Variants in SAMD12 observed in about 807,000 individuals in gnomAD.
The protein encoded by SAMD12 is sterile alpha motif domain containing 12.
A neutral mutation model predicts 15.0 loss-of-function variants in SAMD12; 9 were observed. The observed-to-expected ratio is 0.60, with a 90% CI of 0.36 to 1.05. SAMD12 has a LOEUF of 1.05. SAMD12 is among the 50% of genes least tolerant of loss of function. SAMD12 has a pLI of 0.01. For missense variants in SAMD12, 230 were observed against 234.2 expected, an observed-to-expected ratio of 0.98 and a Z score of 0.12; for synonymous variants, 86 against 90.1, an observed-to-expected ratio of 0.96 and a Z score of 0.25.
intron 4 of SAMD12, among the ~76,000 whole-genome samples, chr8:118,316,816 GTTTTTTT>G (rs35418863): frequency 8.5e-6 from 1 of 117,926 alleles, no homozygotes; most frequent in Non-Finnish European, 1.7e-5. Context: ...TTAAAAAAAA[GTTTTTTT>G]TTTTTTTTTT....
intron 4 of SAMD12, among the ~76,000 whole-genome samples, chr8:118,347,050 T>C (rs1030497471): frequency 2.0e-5 from 3 of 152,150 alleles, no homozygotes; most frequent in African/African-American, 7.2e-5. Context: ...TGGCCCACCT[T>C]GAATAGCTGG....
exon 5 of SAMD12, chr8:118,192,827 A>G (rs1819446792): frequency 6.6e-6 from 1 of 152,232 alleles, no homozygotes; most frequent in Non-Finnish European, 1.5e-5. Context: ...TTTACATTAC[A>G]TTAAGTATAT....
intron 4 of SAMD12, among the ~76,000 whole-genome samples, chr8:118,227,064 T>C (rs1189311140): frequency 2.6e-5 from 4 of 152,154 alleles, no homozygotes; most frequent in Non-Finnish European, 4.4e-5. Context: ...GACACATGTA[T>C]GTGAATGTTC....
At chr8:118,282,376 G>C (rs1469879411) in intron 4 of SAMD12, 1 of 456,198 alleles carries the variant, frequency 2.2e-6, no homozygotes, top group Admixed American at 2.3e-5. Context: ...ATAGGCTGGT[G>C]TTGGTTGAAA....
At chr8:118,265,747 G>A (rs1813181135) in intron 4 of SAMD12, among the ~76,000 whole-genome samples, 1 of 151,712 alleles carries the variant, frequency 6.6e-6, no homozygotes, top group Non-Finnish European at 1.5e-5. Flanking sequence ...TGGGCATCAA[G>A]AGAACCTGTG....
At chr8:118,331,519 A>G (rs768386008) in intron 4 of SAMD12, among the ~76,000 whole-genome samples, 1 of 152,144 alleles carries the variant, frequency 6.6e-6, no homozygotes, top group Non-Finnish European at 1.5e-5. Flanking sequence ...TTCAGGGAGA[A>G]TGGTGATTTT....
intron 1 of SAMD12, among the ~76,000 whole-genome samples, chr8:118,620,762 G>A (rs978972950): frequency 1.3e-5 from 2 of 152,190 alleles, no homozygotes; most frequent in African/African-American, 4.8e-5. Context: ...CAAGGAATAG[G>A]CTGATTTCCC....
intron 2 of SAMD12, among the ~76,000 whole-genome samples, chr8:118,512,137 G>C (rs113848417): frequency 2.0e-5 from 3 of 152,182 alleles, no homozygotes; most frequent in African/African-American, 7.2e-5. Context: ...ATACTCCCAG[G>C]CATGAATATT....
chr8:118,236,144 T>C (rs1002905664), intron 4 of SAMD12, among the ~76,000 whole-genome samples: 2 of 152,192 alleles, frequency 1.3e-5, no homozygotes, highest in African/African-American at 4.8e-5. Context: ...ACTTCAGCCC[T>C]TTAACAGATT....
chr8:118,475,229 A>T (rs1423787697), intron 2 of SAMD12, among the ~76,000 whole-genome samples: 1 of 151,908 alleles, frequency 6.6e-6, no homozygotes, highest in Non-Finnish European at 1.5e-5. Flanking sequence ...ACAGAGTGAG[A>T]CTCCATCTTT....
intron 4 of SAMD12, among the ~76,000 whole-genome samples, chr8:118,318,320 A>G (rs374408309): frequency 0.15 from 2,151 of 14,144 alleles, 53 homozygotes; most frequent in Middle Eastern, 0.42. Context: ...GTATATATAT[A>G]TATATATATA....
intron 4 of SAMD12, among the ~76,000 whole-genome samples, chr8:118,207,831 A>T (rs1000724230): frequency 1.3e-5 from 2 of 152,186 alleles, no homozygotes; most frequent in African/African-American, 4.8e-5. Context: ...ACTACTTTAG[A>T]TAAAATATTT....
chr8:118,289,581 G>T (rs1385701185), intron 4 of SAMD12, among the ~76,000 whole-genome samples: 2 of 152,212 alleles, frequency 1.3e-5, no homozygotes, highest in Non-Finnish European at 2.9e-5. Context: ...TTAAAAATAT[G>T]ATGTTGCCAT....
intron 2 of SAMD12, among the ~76,000 whole-genome samples, chr8:118,549,038 G>A (rs1826233032): frequency 6.6e-6 from 1 of 152,268 alleles, no homozygotes; most frequent in Admixed American, 6.5e-5. Context: ...CTGGAACTGG[G>A]TGGAGCCCAC....
intron 4 of SAMD12, among the ~76,000 whole-genome samples, chr8:118,205,829 G>T (rs906130861): frequency 2.0e-5 from 3 of 152,210 alleles, no homozygotes; most frequent in African/African-American, 7.2e-5. Flanking sequence ...CGTGACAAGT[G>T]AAGGTCCCAA....
At chr8:118,589,926 G>C (rs1827541807) in intron 1 of SAMD12, among the ~76,000 whole-genome samples, 1 of 152,074 alleles carries the variant, frequency 6.6e-6, no homozygotes, top group South Asian at 2.1e-4. Flanking sequence ...ATCCCACTTA[G>C]TAAAGTTAAA....
At chr8:118,538,375 T>C (rs926326546) in intron 2 of SAMD12, among the ~76,000 whole-genome samples, 11 of 152,162 alleles carry the variant, frequency 7.2e-5, no homozygotes, top group Admixed American at 6.5e-5. Context: ...TCAAGTTTAT[T>C]TGGGACCCCA....
chr8:118,179,182 C>G, the SAMD12 span, among the ~76,000 whole-genome samples: 5 of 152,194 alleles, frequency 3.3e-5, 1 homozygote, highest in South Asian at 4.2e-4. Context: ...TGGCTCATGT[C>G]TCTAATCCCA....
chr8:118,382,344 G>A (rs371678862), intron 3 of SAMD12, among the ~76,000 whole-genome samples: 1 of 152,128 alleles, frequency 6.6e-6, no homozygotes, highest in East Asian at 1.9e-4. Context: ...CTGGGCCATC[G>A]TTAGAACACA....
Sources: allele counts gnomAD v4.1 joint callset (sites outside exome capture counted in the v4.1 genomes callset), GRCh38; gene constraint gnomAD v4.1.1; transcripts MANE v1.5; gene names NCBI Gene and HGNC (gene_info 2026-07-23, HGNC 2026-07-21).